Variants in IDE observed in about 807,000 individuals in gnomAD.
IDE encodes insulin-degrading enzyme.
IDE carries 58 observed loss-of-function variants against 133.2 expected under a neutral mutation model. The observed-to-expected ratio is 0.44, with a 90% CI of 0.35 to 0.54. The LOEUF is 0.54. IDE is among the 20% of genes least tolerant of loss of function. The probability of loss-of-function intolerance (pLI) is 0.00; values close to 1 mark genes in which losing one functional copy is unlikely to be tolerated. For missense variants in IDE, 981 were observed against 1,234.0 expected (o/e 0.79, Z 3.07); for synonymous variants, 396 against 421.3 (o/e 0.94, Z 0.73).
intron 1 of IDE, among the ~76,000 whole-genome samples, chr10:92,548,539 A>G (rs1842637620): frequency 6.6e-6 from 1 of 152,134 alleles, no homozygotes; most frequent in East Asian, 1.9e-4. Context: ...GTAGTCATCC[A>G]TGAATGGTAA....
intron 4 of IDE, among the ~76,000 whole-genome samples, chr10:92,518,071 GA>G (rs199729876): frequency 1.3e-5 from 2 of 150,444 alleles, no homozygotes; most frequent in African/African-American, 4.9e-5. Context: ...ACTCCTTAGG[GA>G]AAAAAAAAGG....
chr10:92,544,978 A>C (rs926291340), intron 1 of IDE, among the ~76,000 whole-genome samples: 4 of 152,208 alleles, frequency 2.6e-5, no homozygotes, highest in African/African-American at 9.6e-5. Flanking sequence ...ATATAATCAG[A>C]AAAAAGAGAA....
In IDE at chr10:92,504,865, T is replaced by C. The variant is rs148309821; in HGVS notation, c.1359A>G (p.Glu453=). The change falls in exon 11 of 25, where the codon GAA becomes GAG. Residue 453 remains glutamate (E), a synonymous_variant. Transcript: ENST00000265986. ...CAGGTCTAAATTCTTCCAGTAAATA[T>C]TCCGCTGTGAGCACCTCTTCTAGGG... ...YYPLEEVLTA[E]YLLEEFRPDL... is the part of the protein sequence containing the mutation. 294 of 1,578,456 alleles carry C rather than the reference T, an allele frequency of 1.9e-4. No individual in the cohort carries two copies. The highest frequency in any genetic ancestry group is 2.3e-4 in the Non-Finnish European group (264 of 1,160,482).
intron 2 of IDE, 96 bp downstream of exon 2, chr10:92,537,270 C>G (rs1842060764): frequency 1.1e-6 from 1 of 912,210 alleles, no homozygotes; most frequent in Non-Finnish European, 1.7e-6. Flanking sequence ...GAACCGGTAA[C>G]TATTGAGTAT....
intron 11 of IDE, among the ~76,000 whole-genome samples, chr10:92,503,327 A>T (rs1848127479): frequency 6.6e-6 from 1 of 152,126 alleles, no homozygotes; most frequent in Non-Finnish European, 1.5e-5. Flanking sequence ...ATCATAATAT[A>T]AAAAAATCAT....
At chr10:92,505,478 C>T (rs986470657) in intron 10 of IDE, among the ~76,000 whole-genome samples, 5 of 152,142 alleles carry the variant, frequency 3.3e-5, no homozygotes, top group Non-Finnish European at 5.9e-5. Flanking sequence ...TAATGAACAT[C>T]TACTATGTGC....
intron 22 of IDE, among the ~76,000 whole-genome samples, chr10:92,457,286 C>CT (rs2135301612): frequency 6.6e-6 from 1 of 152,310 alleles, no homozygotes; most frequent in Non-Finnish European, 1.5e-5. Flanking sequence ...AGAAAGGAAA[C>CT]TAACAATTAC....
intron 4 of IDE, among the ~76,000 whole-genome samples, chr10:92,522,020 A>G (rs1232703268): frequency 6.6e-6 from 1 of 152,096 alleles, no homozygotes; most frequent in Non-Finnish European, 1.5e-5. Flanking sequence ...TAGGGTCATT[A>G]TAGTATTTTG....
intron 12 of IDE, among the ~76,000 whole-genome samples, chr10:92,489,826 T>G (rs1847236584): frequency 6.6e-6 from 1 of 152,238 alleles, no homozygotes; most frequent in Non-Finnish European, 1.5e-5. Context: ...TACTTGAGTT[T>G]AACTAGAATC....
intron 3 of IDE, 148 bp downstream of exon 3, chr10:92,534,430 A>C: frequency 3.4e-6 from 2 of 586,904 alleles, no homozygotes; most frequent in East Asian, 5.8e-5. Flanking sequence ...GACATCACTC[A>C]TTTTTTCTTT....
intron 2 of IDE, among the ~76,000 whole-genome samples, chr10:92,536,694 C>T (rs866218160): frequency 2.0e-4 from 20 of 102,154 alleles, no homozygotes; most frequent in African/African-American, 8.1e-4. Context: ...GCAAAACTCC[C>T]ACTCAGAAAA....
At chr10:92,467,119 G>A (rs574378768) in intron 19 of IDE, among the ~76,000 whole-genome samples, 2 of 152,108 alleles carry the variant, frequency 1.3e-5, no homozygotes, top group African/African-American at 4.8e-5. Context: ...CTGGCACCCA[G>A]ACTGGAGTGC....
At chr10:92,550,170 GTAAA>G (rs1378521431) in intron 1 of IDE, among the ~76,000 whole-genome samples, 2 of 151,574 alleles carry the variant, frequency 1.3e-5, no homozygotes, top group East Asian at 1.9e-4. Context: ...AAGTAAATAA[GTAAA>G]TAAATAAATA....
chr10:92,458,730 G>A (rs1200911918), intron 22 of IDE, among the ~76,000 whole-genome samples: 1 of 151,942 alleles, frequency 6.6e-6, no homozygotes, highest in Non-Finnish European at 1.5e-5. Context: ...TCGAACTCCT[G>A]ACCTCGTGAT....
intron 1 of IDE, among the ~76,000 whole-genome samples, chr10:92,573,646 G>A (rs958133853): frequency 6.6e-6 from 1 of 152,202 alleles, no homozygotes; most frequent in Non-Finnish European, 1.5e-5. Context: ...CCGCACTAGT[G>A]GCACACGCCC....
At chr10:92,464,153 G>T in intron 20 of IDE, 150 bp from the exon 21 acceptor site, 1 of 747,022 alleles carries the variant, frequency 1.3e-6, no homozygotes, top group Non-Finnish European at 2.2e-6. Flanking sequence ...ACTTAAGATG[G>T]TTTCAGTTCC....
intron 14 of IDE, chr10:92,479,773 G>C (rs1486162163): frequency 5.6e-6 from 1 of 177,012 alleles, no homozygotes; most frequent in Non-Finnish European, 1.2e-5. Flanking sequence ...GCTGTGCTTA[G>C]GCTAATGGGA....
chr10:92,563,156 CAGG>C (rs1186601655), intron 1 of IDE, among the ~76,000 whole-genome samples: 2 of 152,160 alleles, frequency 1.3e-5, no homozygotes, highest in East Asian at 3.9e-4. Flanking sequence ...GAGGCTGAGA[CAGG>C]AGAATTGCTT....
chr10:92,518,196 T>A (rs1413952281), intron 4 of IDE, among the ~76,000 whole-genome samples: 1 of 151,908 alleles, frequency 6.6e-6, no homozygotes, highest in African/African-American at 2.4e-5. Context: ...CTAGAGGGAG[T>A]TTTGCTTAAG....
Sources: gnomAD v4.1 joint callset for allele counts (sites outside exome capture counted in the v4.1 genomes callset) on GRCh38, gnomAD v4.1.1 for gene constraint, MANE v1.5 for transcripts, NCBI Gene and HGNC (gene_info 2026-07-23, HGNC 2026-07-21) for gene names.